The following POLR3B variants were observed in gnomAD, a reference collection of about 807,000 sequenced individuals.
The protein encoded by POLR3B is RNA polymerase III subunit B.
Under a neutral mutation model 147.4 loss-of-function variants are expected in POLR3B, and 96 were observed. The ratio of observed to expected loss-of-function variants is 0.65; its 90% CI spans 0.55 to 0.77. The LOEUF (loss-of-function observed/expected upper bound fraction) is 0.77. POLR3B is among the 30% of genes least tolerant of loss of function. The pLI is 0.00. For missense variants in POLR3B, 1,036 were observed against 1,413.5 expected, an observed-to-expected ratio of 0.73 and a Z score of 4.28; for synonymous variants, 461 against 485.9, an observed-to-expected ratio of 0.95 and a Z score of 0.67.
chr12:106,386,443 A>C (rs1262493499), intron 9 of POLR3B, among the ~76,000 whole-genome samples: 1 of 151,910 alleles, frequency 6.6e-6, no homozygotes, highest in Non-Finnish European at 1.5e-5. Context: ...TTTTTTAGAA[A>C]GTTTTATAGA....
intron 23 of POLR3B, among the ~76,000 whole-genome samples, chr12:106,474,961 G>T (rs1481460156): frequency 5.3e-5 from 7 of 132,310 alleles, no homozygotes; most frequent in Admixed American, 4.4e-4. Flanking sequence ...TGATGTTAGG[G>T]TGTCAATTTT....
chr12:106,377,924 C>G (rs1485756498), intron 7 of POLR3B, among the ~76,000 whole-genome samples: 1 of 151,988 alleles, frequency 6.6e-6, no homozygotes, highest in East Asian at 1.9e-4. Flanking sequence ...CCTGTTGTTA[C>G]AAAAAATTTA....
chr12:106,378,510 A>G lies in POLR3B; in HGVS notation c.614+126A>G, dbSNP rs11112959. 1,111 of 642,354 alleles carry G rather than the reference A, an allele frequency of 1.7e-3. 7 individuals carry two copies. Among genetic ancestry groups the G allele is most frequent in the African/African-American group, 0.015 (838 of 54,996 alleles). 39.8% of individuals were successfully genotyped at this position (642,354 alleles called of 1,614,324 possible). On this transcript the variant is annotated intron_variant, in intron 8 of 27. Transcript: ENST00000228347. ...AAGCAGGCATTGTAATATTTAAGCT[A>G]TCTGCATTCAATTTATTATGAAAGT...
intron 23 of POLR3B, among the ~76,000 whole-genome samples, chr12:106,483,864 C>T (rs2038303487): frequency 6.6e-6 from 1 of 152,186 alleles, no homozygotes; most frequent in Non-Finnish European, 1.5e-5. Context: ...TCACAGCCAT[C>T]CTCTGTTCAG....
intron 18 of POLR3B, among the ~76,000 whole-genome samples, chr12:106,442,545 GAA>G (rs1416973605): frequency 6.6e-6 from 1 of 152,052 alleles, no homozygotes; most frequent in Non-Finnish European, 1.5e-5. Flanking sequence ...GTCATAAGGT[GAA>G]AACAGTACTC....
chr12:106,377,392 A>G (rs553250037), intron 7 of POLR3B, among the ~76,000 whole-genome samples: 2 of 152,380 alleles, frequency 1.3e-5, no homozygotes, highest in East Asian at 1.9e-4. Context: ...TTACTAGACT[A>G]TAACAGAATG....
rs753592392 is a variant in POLR3B, at chr12:106,433,753, G to A, written c.1662G>A (p.Lys554=). ...TAGGTGTCATTCGAGACCACAAAAAGCTAGTGAATACATTTCGACTCATGA... is the reference window on the plus strand; with the variant it reads ...TAGGTGTCATTCGAGACCACAAAAAACTAGTGAATACATTTCGACTCATGA... The part of the protein sequence containing the change: ...NILGVIRDHK[K]LVNTFRLMRR... The change falls in exon 16 of 28, where the codon AAG becomes AAA. Residue 554 remains lysine, a synonymous_variant. Transcript: ENST00000228347. 1.1e-5 allele frequency: 17 copies of A among 1,613,616 alleles called. No individual in the cohort carries two copies. The highest frequency in any genetic ancestry group is 6.6e-5 in the South Asian group (6 of 91,078).
intron 25 of POLR3B, among the ~76,000 whole-genome samples, chr12:106,500,842 T>C (rs1364812538): frequency 6.6e-6 from 1 of 152,170 alleles, no homozygotes; most frequent in Non-Finnish European, 1.5e-5. Flanking sequence ...GGCCATAATA[T>C]AGAATGTTGG....
intron 18 of POLR3B, among the ~76,000 whole-genome samples, chr12:106,442,303 A>G (rs1253659822): frequency 2.0e-5 from 3 of 152,196 alleles, no homozygotes; most frequent in Non-Finnish European, 1.5e-5. Flanking sequence ...ATCCAATGTT[A>G]ACATCTGAAA....
chr12:106,412,227 T>A (rs77003205), intron 12 of POLR3B, among the ~76,000 whole-genome samples: 4 of 152,144 alleles, frequency 2.6e-5, no homozygotes, highest in African/African-American at 9.7e-5. Flanking sequence ...GTTTTTTTTT[T>A]AAGACCCTCT....
rs2037587092 is a variant in POLR3B at position 106,437,078 on chromosome 12, A to G, written c.1803A>G (p.Lys601=). 1 of 1,613,566 alleles carries G rather than the reference A, an allele frequency of 6.2e-7. No homozygotes were observed. The highest frequency in any genetic ancestry group is 1.3e-5 in the African/African-American group (1 of 75,054). The change falls in exon 17 of 28, where the codon AAA becomes AAG. Residue 601 remains lysine (K), a synonymous_variant. Coordinates refer to ENST00000228347, the MANE Select transcript of POLR3B (RefSeq NM_018082.6). ...CTAGACCCTACATAATTGTCAAGAA[A>G]CAGAAGCCAGCAGTCACAAATAAAC... is the stretch of plus-strand genomic sequence containing the variant. ...RLCRPYIIVK[K]QKPAVTNKHM...
chr12:106,434,009 A>T (rs2037543809), intron 16 of POLR3B, 137 bp downstream of exon 16: 1 of 726,392 alleles, frequency 1.4e-6, no homozygotes. Context: ...GTGAGCAAAC[A>T]CTTCATGAAT....
At chr12:106,499,396 A>G (rs2038558367) in intron 25 of POLR3B, among the ~76,000 whole-genome samples, 1 of 152,212 alleles carries the variant, frequency 6.6e-6, no homozygotes, top group South Asian at 2.1e-4. Context: ...CTATGCCCCC[A>G]GCCAGAGTTT....
intron 25 of POLR3B, among the ~76,000 whole-genome samples, chr12:106,500,336 A>G (rs752338716): frequency 9.8e-5 from 15 of 152,332 alleles, no homozygotes; most frequent in South Asian, 6.2e-4. Context: ...GACTTTCTAA[A>G]GATTCATTGA....
At chr12:106,391,561 C>A (rs561386517) in intron 9 of POLR3B, among the ~76,000 whole-genome samples, 13 of 152,282 alleles carry the variant, frequency 8.5e-5, no homozygotes, top group Admixed American at 4.6e-4. Context: ...CCTAAAGTAT[C>A]CAAATCAAAT....
At chr12:106,399,040 G>T (rs2037022009) in intron 10 of POLR3B, among the ~76,000 whole-genome samples, 2 of 152,212 alleles carry the variant, frequency 1.3e-5, no homozygotes, top group South Asian at 4.2e-4. Context: ...ACTCCAAGCT[G>T]CAGGAGGAAG....
In POLR3B at chr12:106,400,797, A is replaced by G. The variant is rs2037053612; in HGVS notation, c.847-5060A>G. 2.0e-5 allele frequency among the ~76,000 whole-genome samples: 3 copies of G among 152,316 alleles called. No individual in the cohort carries two copies. In the South Asian group the frequency reaches 6.2e-4, roughly 32 times the overall value. The stretch of plus-strand genomic sequence containing the variant: ...ACCAATGAGAACAAAGACACAACAT[A>G]CCAGAATCTCTGGGACACATTCAAA... On this transcript the variant is annotated intron_variant, in intron 10 of 27. Coordinates refer to ENST00000228347, the MANE Select transcript of POLR3B (RefSeq NM_018082.6).
intron 19 of POLR3B, among the ~76,000 whole-genome samples, chr12:106,445,116 T>C (rs1396506723): frequency 6.6e-6 from 1 of 152,238 alleles, no homozygotes; most frequent in Admixed American, 6.5e-5. Context: ...TTTTCCTTCC[T>C]CTTTCTCTTT....
intron 27 of POLR3B, 89 bp from the exon 28 acceptor site, chr12:106,509,331 G>A (rs1171155020): frequency 2.3e-6 from 3 of 1,295,252 alleles, no homozygotes; most frequent in Non-Finnish European, 3.4e-6. Flanking sequence ...AATGATAATA[G>A]AACTTTATAG....
Sources: allele counts gnomAD v4.1 joint callset (sites outside exome capture counted in the v4.1 genomes callset), GRCh38; gene constraint gnomAD v4.1.1; transcripts MANE v1.5; gene names NCBI Gene and HGNC (gene_info 2026-07-23, HGNC 2026-07-21).